The following KCNAB3 variants were observed in gnomAD, a reference collection of about 807,000 sequenced individuals.
KCNAB3 encodes voltage-gated potassium channel subunit beta-3.
In KCNAB3, 62 loss-of-function variants were observed where a neutral mutation model predicts 67.7. The ratio of observed to expected loss-of-function variants is 0.92; its 90% CI spans 0.75 to 1.13. The LOEUF (loss-of-function observed/expected upper bound fraction) is 1.13. Ranked by LOEUF, KCNAB3 falls within the 50% of genes most tolerant of loss-of-function variation. KCNAB3 has a pLI of 0.00. For synonymous variants in KCNAB3, 212 were observed against 205.4 expected (o/e 1.03, Z -0.27); for missense variants, 514 against 522.9 (o/e 0.98, Z 0.17).
At position 7,922,945 on chromosome 17, in the gene KCNAB3, A is replaced by C; in HGVS notation, c.*157T>G. The C allele has an allele frequency of 4.4e-6, 3 of 680,454 alleles. No homozygotes were observed. Among genetic ancestry groups the C allele is most frequent in the African/African-American group, 1.8e-5 (1 of 56,746 alleles). The allele number at this position is 680,454 out of a possible 1,614,324, so 42.2% of individuals were successfully genotyped here. ...ACTGCAAAAGGATATGGCTTTGTTC[A>C]TGCGTATCACTACTCGAAGCCGGGA... On this transcript the variant is annotated 3_prime_UTR_variant, in exon 14 of 14. Coordinates refer to ENST00000303790, the MANE Select transcript of KCNAB3 (RefSeq NM_004732.4).
intron 6 of KCNAB3, 100 bp from the exon 7 acceptor site, chr17:7,925,826 C>T: frequency 6.3e-7 from 1 of 1,590,398 alleles, no homozygotes; most frequent in Non-Finnish European, 8.6e-7. Context: ...TCTTCACAGG[C>T]ATGGTGCGGA....
In KCNAB3 at chr17:7,923,496, G is replaced by C. The variant is rs1438278694; in HGVS notation, c.1097C>G (p.Ser366Trp). The C allele has an allele frequency of 6.2e-6, 10 of 1,612,422 alleles. No homozygotes were observed. The Admixed American group carries it at 1.7e-4, about 27-fold the overall frequency. The change falls in exon 13 of 14, where the codon TCG (serine) becomes TGG (tryptophan). Residue 366 changes from serine to tryptophan, a missense_variant. Ser to Trp is a radical substitution (Grantham distance 177). Transcript: ENST00000303790. The part of the protein sequence containing the change: ...EGVSSVLLGV[S>W]SAEQLIEHLG... ...GTGTTCTATCAACTGCTCCGCACTC[G>C]ACACCCCCAGCAAGACAGAGCTGAC...
chr17:7,924,767 G>GA, intron 8 of KCNAB3: 4 of 1,090,670 alleles, frequency 3.7e-6, no homozygotes, highest in South Asian at 2.4e-5. Flanking sequence ...TTTTGAGACA[G>GA]GGTCTCACTC....
At position 7,923,471 on chromosome 17, in the gene KCNAB3, G is replaced by T. The variant is rs763206514; in HGVS notation, c.1122C>A (p.His374Gln). The change falls in exon 13 of 14, where the codon CAC (histidine) becomes CAA (glutamine). Residue 374 changes from histidine (H) to glutamine (Q), a missense_variant. Transcript: ENST00000303790. ...CCCGGCTCACCTGTAGCGCGCCCAG[G>T]TGTTCTATCAACTGCTCCGCACTCG... ...GVSSAEQLIE[H>Q]LGALQVLSQL... The T allele has an allele frequency of 3.1e-6, 5 of 1,611,404 alleles. No individual in the cohort carries two copies.
At position 7,927,304 on chromosome 17, in the gene KCNAB3, C is replaced by T. The variant is rs766991302; in HGVS notation, c.404+40G>A. 4.5e-6 allele frequency: 7 copies of T among 1,566,160 alleles called. 1 individual carries two copies. In the South Asian group the frequency reaches 6.7e-5, roughly 15 times the overall value. ...AAGATAATCCCTGGGGTCCTCTCAG[C>T]CTTCCAAATGGAGCTTAGCTCTTTC... On this transcript the variant is annotated intron_variant, in intron 4 of 13. Transcript: ENST00000303790.
chr17:7,929,326 C>T lies in KCNAB3; in HGVS notation c.110G>A (p.Gly37Asp). Reference protein sequence around the residue: ...GPGGGNGGPAGGGHGNPPGGG... With the variant: ...GPGGGNGGPADGGHGNPPGGG... Reference sequence around the variant, plus strand: ...CCCCGGAGGATTCCCGTGCCCCCCGCCGGCCGGCCCACCATTACCGCCCCC... The same window carrying T: ...CCCCGGAGGATTCCCGTGCCCCCCGTCGGCCGGCCCACCATTACCGCCCCC... The change falls in exon 1 of 14, where the codon GGC (glycine) becomes GAC (aspartate). Residue 37 changes from glycine (G) to aspartate (D), a missense_variant. Transcript: ENST00000303790. The surrounding 1 kb of genome is among the most constrained non-coding windows in gnomAD (Gnocchi z 5.7). 1 of 1,551,632 alleles carries T rather than the reference C, an allele frequency of 6.4e-7. No individual in the cohort carries two copies. Among genetic ancestry groups the T allele is most frequent in the Non-Finnish European group, 8.7e-7 (1 of 1,148,102 alleles).
In KCNAB3 at chr17:7,929,325, G is replaced by C. The variant is rs767727099; in HGVS notation, c.111C>G (p.Gly37=). Residue 37 remains glycine (G), a synonymous_variant, in exon 1 of 14, where the codon GGC becomes GGG. Transcript: ENST00000303790. This position sits in a 1 kb window ranked among gnomAD's most constrained non-coding sequence, Gnocchi z 5.7. ...CCCCCGGAGGATTCCCGTGCCCCCC[G>C]CCGGCCGGCCCACCATTACCGCCCC... ...GPGGGNGGPA[G]GGHGNPPGGG... is the part of the protein sequence containing the mutation. 3.9e-6 allele frequency: 6 copies of C among 1,551,502 alleles called. No homozygotes were observed. The Admixed American group carries it at 1.2e-4, about 30-fold the overall frequency.
chr17:7,927,256 G>A (rs887874714), intron 4 of KCNAB3, 88 bp downstream of exon 4: 9 of 1,262,440 alleles, frequency 7.1e-6, no homozygotes, highest in Middle Eastern at 2.6e-4. Context: ...AGAAGTCCCA[G>A]GGTTCTTTAG....
intron 8 of KCNAB3, 143 bp downstream of exon 8, chr17:7,924,954 C>T: frequency 5.5e-6 from 4 of 722,444 alleles, no homozygotes; most frequent in South Asian, 3.4e-5. Flanking sequence ...CTATGTTGCC[C>T]AGACTGTTCT....
chr17:7,923,678 G>A (rs1484750839), intron 12 of KCNAB3, 33 bp downstream of exon 12: 1 of 1,553,366 alleles, frequency 6.4e-7, no homozygotes, highest in Non-Finnish European at 8.7e-7. Flanking sequence ...ATGTCAGGAG[G>A]AGACAGGGCC....
chr17:7,923,076 G>T lies in KCNAB3; in HGVS notation c.*26C>A. ...GGCTCGGGCGGGTGCAGCGACACCG[G>T]GTTGGGTCCCTGCGCCCGCGACAGA... is the stretch of plus-strand genomic sequence containing the variant. On this transcript the variant is annotated 3_prime_UTR_variant, in exon 14 of 14. Coordinates refer to ENST00000303790, the MANE Select transcript of KCNAB3 (RefSeq NM_004732.4). 1.2e-6 allele frequency: 2 copies of T among 1,608,882 alleles called. No individual in the cohort carries two copies. Among genetic ancestry groups the T allele is most frequent in the Non-Finnish European group, 1.7e-6 (2 of 1,175,312 alleles).
chr17:7,927,565 T>C, intron 3 of KCNAB3, 92 bp downstream of exon 3: 1 of 1,551,672 alleles, frequency 6.4e-7, no homozygotes, highest in Non-Finnish European at 8.9e-7. Flanking sequence ...TCATTCCCTG[T>C]GCTTGTTGTC....
Position 7,929,419 on chromosome 17 carries a change from G to A in KCNAB3, c.17C>T (p.Ala6Val), listed in dbSNP as rs1326136391. Residue 6 changes from alanine to valine, a missense_variant, in exon 1 of 14, where the codon GCG becomes GTG. Coordinates refer to ENST00000303790, the MANE Select transcript of KCNAB3 (RefSeq NM_004732.4). The surrounding 1 kb of genome is among the most constrained non-coding windows in gnomAD (Gnocchi z 5.7). Reference sequence around the variant, plus strand: ...GCTGCGAAGGTTCTGCTCGGTACACGCGATAGACACCTGCATGCTGGCTGG... The same window carrying A: ...GCTGCGAAGGTTCTGCTCGGTACACACGATAGACACCTGCATGCTGGCTGG... MQVSIACTEQNLRSRS... is the reference protein window; with the variant it reads MQVSIVCTEQNLRSRS... 1 of 1,548,030 alleles carries A rather than the reference G, an allele frequency of 6.5e-7. No homozygotes were observed. Among genetic ancestry groups the A allele is most frequent in the African/African-American group, 1.4e-5 (1 of 73,070 alleles).
At chr17:7,925,618 G>T in intron 7 of KCNAB3, 65 bp downstream of exon 7, 1 of 1,537,068 alleles carries the variant, frequency 6.5e-7, no homozygotes, top group Non-Finnish European at 9.0e-7. Flanking sequence ...GAAGTTCAGA[G>T]AATGTTCCCT....
chr17:7,928,712 C>T (rs745633202), intron 1 of KCNAB3, among the ~76,000 whole-genome samples: 25 of 152,174 alleles, frequency 1.6e-4, no homozygotes, highest in Non-Finnish European at 2.6e-4. Context: ...TCCATCCTTC[C>T]CACCGGCCCC....
intron 7 of KCNAB3, 71 bp downstream of exon 7, chr17:7,925,611 GT>G: frequency 6.7e-7 from 1 of 1,487,564 alleles, no homozygotes. Context: ...GCCTCCAGAA[GT>G]TCAGAGAATG....
chr17:7,923,424 A>G, intron 13 of KCNAB3, 32 bp downstream of exon 13: 1 of 1,584,492 alleles, frequency 6.3e-7, no homozygotes. Context: ...GGAGGGGGAC[A>G]GATAGGCTCT....
In KCNAB3 at chr17:7,924,000, G is replaced by C; in HGVS notation, c.895C>G (p.Arg299Gly). 1 of 1,613,594 alleles carries C rather than the reference G, an allele frequency of 6.2e-7. No individual in the cohort carries two copies. The highest frequency in any genetic ancestry group is 8.5e-7 in the Non-Finnish European group (1 of 1,179,954). Reference protein sequence around the residue: ...CGLITSKYDGRVPDTCRASIK... With the variant: ...CGLITSKYDGGVPDTCRASIK... ...GAGGCCCTGCAAGTATCTGGGACTC[G>C]CCCATCATACTTGCTAGTAATGAGA... Residue 299 changes from arginine (R) to glycine (G), a missense_variant, in exon 11 of 14, where the codon CGA (arginine) becomes GGA (glycine). Transcript: ENST00000303790.
rs551498163 is a variant in KCNAB3, at chr17:7,928,121, G to T, written c.243-295C>A. The T allele has an allele frequency of 3.5e-4, 189 of 542,478 alleles. 1 individual carries two copies. The highest frequency in any genetic ancestry group is 3.1e-5 in the East Asian group (1 of 31,842). The allele number at this position is 542,478 out of a possible 1,614,324, so 33.6% of individuals were successfully genotyped here. A position where few individuals can be genotyped will look rare whatever the true frequency, so the allele number is the denominator to read the frequency against. On this transcript the variant is annotated intron_variant, in intron 1 of 13. Coordinates refer to ENST00000303790, the MANE Select transcript of KCNAB3 (RefSeq NM_004732.4). ...CAGTCTGGTTTGTCCTTCTTCTGGG[G>T]TCTTGTCTGTGTTTGAGTCATCTGT... is the stretch of plus-strand genomic sequence containing the variant.
Sources: allele counts gnomAD v4.1 joint callset (sites outside exome capture counted in the v4.1 genomes callset), GRCh38; gene constraint gnomAD v4.1.1; non-coding constraint Gnocchi (gnomAD v3.1); transcripts MANE v1.5; gene names NCBI Gene and HGNC (gene_info 2026-07-23, HGNC 2026-07-21).